RHOBTB1: variants seen among roughly 807,000 people sequenced by gnomAD.
RHOBTB1 encodes the protein rho-related BTB domain-containing protein 1.
In RHOBTB1, 40 loss-of-function variants were observed where a neutral mutation model predicts 71.6. The observed-to-expected ratio is 0.56, with a 90% confidence interval of 0.43 to 0.73. The LOEUF is 0.73. Ranked by LOEUF, RHOBTB1 falls within the 30% of genes least tolerant of loss-of-function variation. RHOBTB1 has a pLI of 0.00. For synonymous variants in RHOBTB1, 319 were observed against 334.9 expected (o/e 0.95, Z 0.52); for missense variants, 797 against 894.0 (o/e 0.89, Z 1.38).
chr10:60,904,794 C>T (rs948347513), intron 4 of RHOBTB1, among the ~76,000 whole-genome samples: 1 of 152,202 alleles, frequency 6.6e-6, no homozygotes, highest in African/African-American at 2.4e-5. Flanking sequence ...TAGGGAACAA[C>T]TATTTCTATC....
chr10:60,907,057 G>A (rs1417036483), intron 4 of RHOBTB1, among the ~76,000 whole-genome samples: 1 of 152,196 alleles, frequency 6.6e-6, no homozygotes, highest in Non-Finnish European at 1.5e-5. Context: ...CCCTGCACAT[G>A]CTCTCTCTCT....
intron 2 of RHOBTB1, among the ~76,000 whole-genome samples, chr10:60,913,990 C>T (rs187437287): frequency 7.2e-5 from 11 of 152,034 alleles, no homozygotes; most frequent in South Asian, 2.1e-4. Flanking sequence ...ATGCTGAAGA[C>T]GAATGTCTTC....
intron 2 of RHOBTB1, among the ~76,000 whole-genome samples, chr10:60,937,945 A>AG (rs1203880639): frequency 6.6e-6 from 1 of 152,100 alleles, no homozygotes; most frequent in Non-Finnish European, 1.5e-5. Context: ...TAACCCTCTG[A>AG]GGGGGGAGGG....
chr10:60,868,837 A>C (rs116609554), downstream of RHOBTB1, among the ~76,000 whole-genome samples: 894 of 152,326 alleles, frequency 5.9e-3, 12 homozygotes, highest in African/African-American at 0.021. Context: ...CACCTCTAAA[A>C]GGTGGAAATG....
At chr10:60,911,128 A>G in intron 3 of RHOBTB1, 138 bp from the exon 4 acceptor site, 1 of 766,998 alleles carries the variant, frequency 1.3e-6, no homozygotes, top group Non-Finnish European at 2.1e-6. Context: ...GATTTAAGCT[A>G]AGTCTTAATT....
chr10:60,946,981 TC>T (rs1287532833), upstream of RHOBTB1, among the ~76,000 whole-genome samples: 1 of 152,216 alleles, frequency 6.6e-6, no homozygotes, highest in Non-Finnish European at 1.5e-5. Flanking sequence ...GGAAAGTGCC[TC>T]CAAACAAGGG....
At chr10:60,948,665 CAG>C (rs983608085), upstream of RHOBTB1, among the ~76,000 whole-genome samples, 3 of 152,172 alleles carry the variant, frequency 2.0e-5, no homozygotes, top group Admixed American at 1.3e-4. Flanking sequence ...CTAGTACTAA[CAG>C]GGGTTTGAAG....
chr10:60,987,498 C>T (rs2086705692), intron 1 of RHOBTB1, among the ~76,000 whole-genome samples: 1 of 152,140 alleles, frequency 6.6e-6, no homozygotes, highest in Non-Finnish European at 1.5e-5. Flanking sequence ...GGCCACCTTG[C>T]ATACAAAAAG....
chr10:60,931,077 T>C (rs559900137), intron 2 of RHOBTB1, among the ~76,000 whole-genome samples: 6 of 152,252 alleles, frequency 3.9e-5, no homozygotes, highest in African/African-American at 1.4e-4. Context: ...GCAACAGTAA[T>C]TGTTGCTGGA....
At chr10:60,999,787 T>G (rs1301628675) in intron 1 of RHOBTB1, among the ~76,000 whole-genome samples, 3 of 152,228 alleles carry the variant, frequency 2.0e-5, no homozygotes, top group African/African-American at 7.2e-5. Context: ...CAGACACACA[T>G]GAACCAGGGC....
At chr10:60,951,738 A>G (rs1432882721) in intron 2 of RHOBTB1, among the ~76,000 whole-genome samples, 2 of 152,178 alleles carry the variant, frequency 1.3e-5, no homozygotes, top group African/African-American at 4.8e-5. Context: ...TTTGGGCAGG[A>G]AAGTGCCCAA....
intron 4 of RHOBTB1, among the ~76,000 whole-genome samples, chr10:60,905,379 G>A (rs1300298636): frequency 7.1e-6 from 1 of 141,796 alleles, no homozygotes; most frequent in Admixed American, 7.7e-5. Flanking sequence ...GAACCTGGGA[G>A]ACGTAGGTTG....
At chr10:60,904,137 G>A (rs1275157006) in intron 4 of RHOBTB1, among the ~76,000 whole-genome samples, 1 of 151,778 alleles carries the variant, frequency 6.6e-6, no homozygotes, top group African/African-American at 2.4e-5. Flanking sequence ...AGTAGAGATG[G>A]GGCTACACCA....
intron 2 of RHOBTB1, among the ~76,000 whole-genome samples, chr10:60,981,727 C>T (rs912615942): frequency 1.6e-4 from 24 of 152,006 alleles, no homozygotes; most frequent in Non-Finnish European, 5.9e-5. Context: ...TGATGCATTA[C>T]TAACAGCAAA....
At chr10:60,955,784 A>G (rs1290390450) in intron 2 of RHOBTB1, among the ~76,000 whole-genome samples, 1 of 152,322 alleles carries the variant, frequency 6.6e-6, no homozygotes, top group African/African-American at 2.4e-5. Flanking sequence ...ATGTGCATCA[A>G]ACTTGTTTAC....
At chr10:60,961,086 AAGGGGTGTG>A (rs1314766862) in intron 2 of RHOBTB1, among the ~76,000 whole-genome samples, 1 of 152,044 alleles carries the variant, frequency 6.6e-6, no homozygotes, top group African/African-American at 2.4e-5. Context: ...AACCAAAGGA[AAGGGGTGTG>A]GGGCTGTCAT....
At chr10:60,950,600 G>A (rs1460931219) in intron 2 of RHOBTB1, among the ~76,000 whole-genome samples, 3 of 152,260 alleles carry the variant, frequency 2.0e-5, no homozygotes, top group South Asian at 2.1e-4. Flanking sequence ...CCACTACACC[G>A]CAAAGTTCCA....
At chr10:60,877,665 C>T (rs2081109569) in intron 8 of RHOBTB1, among the ~76,000 whole-genome samples, 1 of 152,206 alleles carries the variant, frequency 6.6e-6, no homozygotes, top group Non-Finnish European at 1.5e-5. Flanking sequence ...AGGGGTCATG[C>T]ATTACTCACC....
At chr10:60,943,262 G>T (rs372796194) in intron 1 of RHOBTB1, among the ~76,000 whole-genome samples, 146 of 152,360 alleles carry the variant, frequency 9.6e-4, no homozygotes, top group African/African-American at 3.1e-3. Flanking sequence ...TACTGCTGGG[G>T]ATGGAAACGG....
Sources: gnomAD v4.1 joint callset for allele counts (sites outside exome capture counted in the v4.1 genomes callset) on GRCh38, gnomAD v4.1.1 for gene constraint, MANE v1.5 for transcripts, NCBI Gene and HGNC (gene_info 2026-07-23, HGNC 2026-07-21) for gene names.